Variants in PGBD2 observed in about 807,000 individuals in gnomAD.
PGBD2 encodes piggyBac transposable element-derived protein 2.
In PGBD2, 6 loss-of-function variants were observed where a neutral mutation model predicts 8.1. The ratio of observed to expected loss-of-function variants is 0.74; its 90% CI spans 0.40 to 1.46. The LOEUF is 1.46. Ranked by LOEUF, PGBD2 falls within the 40% of genes most tolerant of loss-of-function variation. The pLI is 0.02. For synonymous variants in PGBD2, 318 were observed against 272.2 expected, an observed-to-expected ratio of 1.17 and a Z score of -1.66; for missense variants, 802 against 739.0, an observed-to-expected ratio of 1.09 and a Z score of -0.99.
chr1:248,925,048 A>C, the PGBD2 span, among the ~76,000 whole-genome samples: 1 of 152,168 alleles, frequency 6.6e-6, no homozygotes, highest in South Asian at 2.1e-4. Context: ...GATGGGTAAA[A>C]ATGCAAGACT....
downstream of PGBD2, among the ~76,000 whole-genome samples, chr1:248,923,244 T>C (rs1662321844): frequency 6.6e-6 from 1 of 152,248 alleles, no homozygotes; most frequent in Non-Finnish European, 1.5e-5. Context: ...TTTATTTGCA[T>C]AGATGCGTTT....
the PGBD2 span, among the ~76,000 whole-genome samples, chr1:248,873,516 A>T: frequency 3.3e-5 from 5 of 152,260 alleles, no homozygotes; most frequent in African/African-American, 1.2e-4. Flanking sequence ...CCGAGTAGTA[A>T]CTGCTTGCCA....
the PGBD2 span, among the ~76,000 whole-genome samples, chr1:248,874,944 A>AGATG: frequency 7.1e-6 from 1 of 141,174 alleles, no homozygotes; most frequent in African/African-American, 3.2e-5. Flanking sequence ...ATAGATAGAT[A>AGATG]GATAGATAGA....
the PGBD2 span, among the ~76,000 whole-genome samples, chr1:248,894,064 T>C: frequency 5.3e-5 from 8 of 152,334 alleles, no homozygotes; most frequent in South Asian, 1.2e-3. Context: ...TGGAGAAATG[T>C]GTGTACTCAG....
rs1661627844 is a variant in PGBD2, at chr1:248,906,248, C to CCGCGACG, written c.-140_-134dup. On this transcript the variant is annotated 5_prime_UTR_variant, in exon 1 of 3. Coordinates refer to ENST00000329291, the MANE Select transcript of PGBD2 (RefSeq NM_170725.3). ...CCCTCTGGTGCCGGACGTTGCGCGG[C>CCGCGACG]CGCGACGCCCGACGCCAACGCAGGC... The CCGCGACG allele has an allele frequency of 2.0e-5, 3 of 151,984 alleles. No individual in the cohort carries two copies. In the South Asian group the frequency reaches 6.2e-4, roughly 32 times the overall value. 9.4% of individuals were successfully genotyped at this position (151,984 alleles called of 1,614,324 possible).
chr1:248,883,977 T>C, the PGBD2 span, among the ~76,000 whole-genome samples: 2 of 152,204 alleles, frequency 1.3e-5, no homozygotes, highest in African/African-American at 4.8e-5. Flanking sequence ...CAATTGCTTT[T>C]GAGCACTTAG....
At chr1:248,927,413 C>A in the PGBD2 span, among the ~76,000 whole-genome samples, 1 of 152,164 alleles carries the variant, frequency 6.6e-6, no homozygotes, top group Non-Finnish European at 1.5e-5. Flanking sequence ...AGTTGTGATT[C>A]TATGCAGAAG....
the PGBD2 span, among the ~76,000 whole-genome samples, chr1:248,873,965 C>G: frequency 1.8e-4 from 28 of 152,252 alleles, no homozygotes; most frequent in South Asian, 5.2e-3. Context: ...CTGACACATT[C>G]GTTTTATTAG....
downstream of PGBD2, among the ~76,000 whole-genome samples, chr1:248,922,707 G>T (rs1662312105): frequency 6.6e-6 from 1 of 152,178 alleles, no homozygotes; most frequent in African/African-American, 2.4e-5. Flanking sequence ...TGCATCTATA[G>T]AGATAATCAT....
chr1:248,922,461 C>T (rs1662306273), downstream of PGBD2, among the ~76,000 whole-genome samples: 1 of 152,146 alleles, frequency 6.6e-6, no homozygotes, highest in Non-Finnish European at 1.5e-5. Flanking sequence ...TTTCTCTTGC[C>T]TCATTGCCCT....
upstream of PGBD2, among the ~76,000 whole-genome samples, chr1:248,904,372 C>A (rs187551639): frequency 2.6e-5 from 4 of 151,926 alleles, no homozygotes; most frequent in African/African-American, 9.7e-5. Context: ...TGTTTTTAAA[C>A]GTAGCTTTAT....
chr1:248,904,272 G>T (rs559241191), upstream of PGBD2, among the ~76,000 whole-genome samples: 21 of 151,172 alleles, frequency 1.4e-4, no homozygotes, highest in Admixed American at 7.9e-4. Flanking sequence ...TAGCTTAACG[G>T]GCTAAATTTT....
At chr1:248,880,427 C>T in the PGBD2 span, among the ~76,000 whole-genome samples, 3 of 152,072 alleles carry the variant, frequency 2.0e-5, no homozygotes, top group Non-Finnish European at 4.4e-5. Context: ...ATTTGTTGTT[C>T]GAGTATGGGA....
chr1:248,884,233 A>G, the PGBD2 span, among the ~76,000 whole-genome samples: 1 of 152,218 alleles, frequency 6.6e-6, no homozygotes, highest in African/African-American at 2.4e-5. Context: ...AAATATTTTA[A>G]AGTGGTTTAT....
intron 1 of PGBD2, among the ~76,000 whole-genome samples, chr1:248,911,040 C>A (rs562954614): frequency 2.6e-5 from 4 of 152,128 alleles, no homozygotes; most frequent in African/African-American, 7.2e-5. Flanking sequence ...CCCTATTTGC[C>A]CCCCCATCTC....
At chr1:248,892,801 C>G in the PGBD2 span, among the ~76,000 whole-genome samples, 20 of 152,252 alleles carry the variant, frequency 1.3e-4, no homozygotes, top group African/African-American at 4.8e-4. Context: ...TCATGCAGTA[C>G]CAGCTTGACC....
intron 1 of PGBD2, among the ~76,000 whole-genome samples, chr1:248,910,838 T>C (rs1323765539): frequency 2.0e-5 from 3 of 152,232 alleles, no homozygotes; most frequent in Non-Finnish European, 4.4e-5. Context: ...TTTGTTTTTT[T>C]TTTAACAAAA....
the PGBD2 span, among the ~76,000 whole-genome samples, chr1:248,876,201 T>C: frequency 6.6e-6 from 1 of 152,060 alleles, no homozygotes; most frequent in East Asian, 1.9e-4. Context: ...AGAGACAGGG[T>C]TTCTCCACAT....
At chr1:248,921,253 C>A (rs183565426), downstream of PGBD2, among the ~76,000 whole-genome samples, 3 of 152,282 alleles carry the variant, frequency 2.0e-5, no homozygotes, top group East Asian at 5.8e-4. Flanking sequence ...AGGGTTTCTT[C>A]TAGGATTTTT....
Sources: gnomAD v4.1 joint callset for allele counts (sites outside exome capture counted in the v4.1 genomes callset) on GRCh38, gnomAD v4.1.1 for gene constraint, MANE v1.5 for transcripts, NCBI Gene and HGNC (gene_info 2026-07-23, HGNC 2026-07-21) for gene names.